IQSEC1: variants seen among roughly 807,000 people sequenced by gnomAD.
IQSEC1 encodes the protein IQ motif and Sec7 domain ArfGEF 1, also known as IQ motif and SEC7 domain-containing protein 1.
IQSEC1 carries 31 observed loss-of-function variants against 91.0 expected under a neutral mutation model. The observed-to-expected ratio is 0.34, with a 90% CI of 0.26 to 0.46. The LOEUF (loss-of-function observed/expected upper bound fraction) is 0.46, where lower values mean the gene tolerates loss of function less well. Among genes scored for constraint, IQSEC1 ranks in the 20% least tolerant of loss-of-function variants. The pLI, the probability that IQSEC1 is intolerant of heterozygous loss-of-function variation, is 1.00. For missense variants in IQSEC1, 1,388 were observed against 1,575.6 expected, an observed-to-expected ratio of 0.88 and a Z score of 2.02; for synonymous variants, 699 against 662.6, an observed-to-expected ratio of 1.05 and a Z score of -0.84.
At chr3:12,991,838 T>C (rs2125630921) in intron 1 of IQSEC1, among the ~76,000 whole-genome samples, 1 of 152,154 alleles carries the variant, frequency 6.6e-6, no homozygotes, top group African/African-American at 2.4e-5. Context: ...GGAGCATGAC[T>C]AAAACCAAGG....
intron 1 of IQSEC1, among the ~76,000 whole-genome samples, chr3:13,250,833 C>T (rs140302158): frequency 1.7e-3 from 254 of 152,078 alleles, no homozygotes; most frequent in African/African-American, 5.8e-3. Context: ...CCTCTGGTCC[C>T]GCCACTGTCA....
intron 2 of IQSEC1, among the ~76,000 whole-genome samples, chr3:13,135,931 C>T (rs552737150): frequency 6.1e-4 from 93 of 152,202 alleles, no homozygotes; most frequent in Non-Finnish European, 1.0e-3. Flanking sequence ...AGAGGAGAAG[C>T]GCAGGCCCTG....
chr3:12,954,892 G>A (rs1699802327), intron 1 of IQSEC1, among the ~76,000 whole-genome samples: 1 of 152,230 alleles, frequency 6.6e-6, no homozygotes, highest in African/African-American at 2.4e-5. Context: ...ACAGAGCGGG[G>A]CAGAACGGGT....
intron 1 of IQSEC1, among the ~76,000 whole-genome samples, chr3:13,033,915 C>A (rs1703937500): frequency 6.6e-6 from 1 of 152,210 alleles, no homozygotes; most frequent in African/African-American, 2.4e-5. Flanking sequence ...GACATCCGGT[C>A]ACCTTATGGC....
intron 2 of IQSEC1, among the ~76,000 whole-genome samples, chr3:13,159,096 T>C (rs1055043458): frequency 6.6e-6 from 1 of 152,154 alleles, no homozygotes; most frequent in African/African-American, 2.4e-5. Context: ...AGAGACCATA[T>C]GTTCAGGCAG....
chr3:13,271,845 T>C (rs1695595604), intron 1 of IQSEC1, among the ~76,000 whole-genome samples: 1 of 152,066 alleles, frequency 6.6e-6, no homozygotes. Flanking sequence ...AGAATAACAA[T>C]TGGAGACATC....
chr3:13,265,778 G>A (rs556133426), intron 1 of IQSEC1, among the ~76,000 whole-genome samples: 71 of 152,008 alleles, frequency 4.7e-4, no homozygotes, highest in African/African-American at 1.2e-3. Flanking sequence ...CTTTCTGGAA[G>A]TTGCACAGCA....
intron 5 of IQSEC1, among the ~76,000 whole-genome samples, chr3:12,921,553 A>G (rs1696632717): frequency 6.6e-6 from 1 of 152,224 alleles, no homozygotes; most frequent in East Asian, 1.9e-4. Context: ...GTCCTGTGTC[A>G]TTTCATCCTT....
At chr3:13,260,043 T>C (rs1490135357) in intron 1 of IQSEC1, among the ~76,000 whole-genome samples, 1 of 152,178 alleles carries the variant, frequency 6.6e-6, no homozygotes, top group Non-Finnish European at 1.5e-5. Flanking sequence ...AACCAGGAGC[T>C]GGATCTCAGG....
intron 1 of IQSEC1, among the ~76,000 whole-genome samples, chr3:13,258,158 C>T (rs1203849844): frequency 6.6e-6 from 1 of 152,188 alleles, no homozygotes; most frequent in African/African-American, 2.4e-5. Flanking sequence ...AATGGCAGAA[C>T]AAGCCCGTGG....
chr3:13,056,729 G>T (rs1223299998), intron 1 of IQSEC1, among the ~76,000 whole-genome samples: 9 of 152,170 alleles, frequency 5.9e-5, no homozygotes, highest in Admixed American at 5.9e-4. Context: ...TGGAGGATTT[G>T]CTGAGGCGAG....
At chr3:12,938,632 C>A (rs985416795) in intron 2 of IQSEC1, among the ~76,000 whole-genome samples, 1 of 152,164 alleles carries the variant, frequency 6.6e-6, no homozygotes, top group South Asian at 2.1e-4. Context: ...GCTTAGAAAG[C>A]CCCTGGGGCC....
intron 1 of IQSEC1, among the ~76,000 whole-genome samples, chr3:13,199,263 G>A (rs566451122): frequency 7.9e-5 from 12 of 152,326 alleles, no homozygotes; most frequent in African/African-American, 2.6e-4. Flanking sequence ...GGCCGCACCT[G>A]GCCCCTTCTC....
At chr3:12,918,695 G>A (rs756465826) in intron 6 of IQSEC1, among the ~76,000 whole-genome samples, 3 of 152,098 alleles carry the variant, frequency 2.0e-5, no homozygotes, top group South Asian at 2.1e-4. Flanking sequence ...GGCAGTTCGC[G>A]CCTGTGGTCT....
chr3:13,165,730 T>C (rs1483909915), intron 1 of IQSEC1, among the ~76,000 whole-genome samples: 2 of 151,828 alleles, frequency 1.3e-5, no homozygotes, highest in African/African-American at 4.8e-5. Flanking sequence ...CAGAAGCAGA[T>C]TTTCCACCCC....
chr3:13,051,819 G>A (rs1704702204), intron 1 of IQSEC1, among the ~76,000 whole-genome samples: 1 of 152,062 alleles, frequency 6.6e-6, no homozygotes. Flanking sequence ...TTCTATCCTG[G>A]TTGTAGGGTA....
intron 2 of IQSEC1, among the ~76,000 whole-genome samples, chr3:13,153,345 T>C (rs1707031555): frequency 6.6e-6 from 1 of 152,148 alleles, no homozygotes. Context: ...GGACTTGGAC[T>C]GGTGAGGGGT....
intron 1 of IQSEC1, among the ~76,000 whole-genome samples, chr3:13,250,275 G>A (rs1695171046): frequency 6.6e-6 from 1 of 152,186 alleles, no homozygotes. Flanking sequence ...CTGAGGCTCA[G>A]CGGCACACAC....
intron 1 of IQSEC1, among the ~76,000 whole-genome samples, chr3:13,168,302 T>A (rs541572219): frequency 3.3e-5 from 5 of 152,232 alleles, no homozygotes; most frequent in Non-Finnish European, 5.9e-5. Flanking sequence ...GTAAAAATCA[T>A]CTCTAATCCT....
Sources: gnomAD v4.1 joint callset for allele counts (sites outside exome capture counted in the v4.1 genomes callset) on GRCh38, gnomAD v4.1.1 for gene constraint, MANE v1.5 for transcripts, NCBI Gene and HGNC (gene_info 2026-07-23, HGNC 2026-07-21) for gene names.